The following PCDHGB6 variants were observed in gnomAD, a reference collection of about 807,000 sequenced individuals.
The protein encoded by PCDHGB6 is protocadherin gamma-B6.
In PCDHGB6, 51 loss-of-function variants were observed where a neutral mutation model predicts 59.1. The observed-to-expected ratio is 0.86, with a 90% CI of 0.69 to 1.09. PCDHGB6 has a LOEUF of 1.09. PCDHGB6 is among the 50% of genes least tolerant of loss of function. The pLI, the probability that PCDHGB6 is intolerant of heterozygous loss-of-function variation, is 0.00. For missense variants in PCDHGB6, 1,148 were observed against 1,205.1 expected (o/e 0.95, Z 0.70); for synonymous variants, 466 against 495.1 (o/e 0.94, Z 0.78).
intron 1 of PCDHGB6, among the ~76,000 whole-genome samples, chr5:141,452,745 GGAA>G (rs2098748194): frequency 6.6e-6 from 1 of 152,054 alleles, no homozygotes; most frequent in Non-Finnish European, 1.5e-5. Flanking sequence ...AGAGAGAGAA[GGAA>G]GAAGGAAGGG....
intron 1 of PCDHGB6, chr5:141,415,974 CAA>C (rs1192315813): frequency 2.7e-6 from 1 of 375,644 alleles, no homozygotes; most frequent in Non-Finnish European, 4.4e-6. Context: ...GCCCCTTAAG[CAA>C]CCCTCTTGTT....
intron 1 of PCDHGB6, chr5:141,419,231 C>G (rs1309708358): frequency 2.5e-6 from 4 of 1,614,026 alleles, no homozygotes; most frequent in Admixed American, 1.7e-5. Context: ...GTCAGCCTAC[C>G]TGGTCCACGT....
intron 1 of PCDHGB6, chr5:141,418,998 G>C (rs757681244): frequency 1.9e-6 from 3 of 1,613,940 alleles, no homozygotes; most frequent in South Asian, 1.1e-5. Context: ...GGGGAAAATG[G>C]GGAAGTCAGG....
At position 141,479,006 on chromosome 5, in the gene PCDHGB6, T is replaced by C. The variant is rs148063283; in HGVS notation, c.2419-15801T>C. On this transcript the variant is annotated intron_variant, in intron 1 of 3. Transcript: ENST00000520790. ...ACATTTGTATTAAAACTAATAGCTT[T>C]TTGATAATTTTCCTTTGTTTATACA... Among the ~76,000 whole-genome samples the C allele has an allele frequency of 1.2e-3, 179 of 152,340 alleles. 2 individuals are homozygous for C. The highest frequency in any genetic ancestry group is 0.011 in the Admixed American group (170 of 15,300).
intron 1 of PCDHGB6, chr5:141,419,831 G>C: frequency 1.9e-6 from 3 of 1,614,048 alleles, no homozygotes; most frequent in Non-Finnish European, 2.5e-6. Context: ...TTCAGCCACT[G>C]CCACGCTGCA....
intron 2 of PCDHGB6, among the ~76,000 whole-genome samples, chr5:141,496,582 G>A (rs991035985): frequency 1.9e-4 from 29 of 152,100 alleles, no homozygotes; most frequent in Non-Finnish European, 3.5e-4. Flanking sequence ...TTTTAGGAAC[G>A]CAAAGCGCTT....
intron 1 of PCDHGB6, among the ~76,000 whole-genome samples, chr5:141,451,067 A>G (rs948528671): frequency 6.6e-6 from 1 of 151,848 alleles, no homozygotes; most frequent in African/African-American, 2.4e-5. Flanking sequence ...TGACCTTGTG[A>G]TCCACCCACC....
chr5:141,511,084 C>G lies in PCDHGB6; in HGVS notation c.2704C>G (p.Leu902Val). 1 of 1,614,236 alleles carries G rather than the reference C, an allele frequency of 6.2e-7. No homozygotes were observed. Among genetic ancestry groups the G allele is most frequent in the Non-Finnish European group, 8.5e-7 (1 of 1,180,030 alleles). The change falls in exon 4 of 4, where the codon CTG becomes GTG. Residue 902 changes from leucine (L) to valine (V), a missense_variant. Leu to Val is a conservative substitution (Grantham distance 32). Around this residue, in one of 5 missense-constraint regions of PCDHGB6, gnomAD observed 283 missense variants for 318.6 expected, o/e 0.89. Coordinates refer to ENST00000520790, the MANE Select transcript of PCDHGB6 (RefSeq NM_018926.3). Reference sequence around the variant, plus strand: ...CTACATCCCAGGCAGCAATGCCACACTGACCAACGCAGCTGGCAAGCGGGA... The same window carrying G: ...CTACATCCCAGGCAGCAATGCCACAGTGACCAACGCAGCTGGCAAGCGGGA... ...NVYIPGSNAT[L>V]TNAAGKRDGK...
At chr5:141,426,004 C>T (rs573455573) in intron 1 of PCDHGB6, among the ~76,000 whole-genome samples, 10 of 152,264 alleles carry the variant, frequency 6.6e-5, no homozygotes, top group Non-Finnish European at 8.8e-5. Flanking sequence ...CAAAGGCTTC[C>T]GGCTGCAGTT....
intron 2 of PCDHGB6, among the ~76,000 whole-genome samples, chr5:141,502,124 A>G (rs4912762): frequency 0.55 from 83,213 of 152,012 alleles, 23,486 homozygotes; most frequent in African/African-American, 0.67. Flanking sequence ...CCAGGCCCAC[A>G]GAGCTCAGTC....
chr5:141,418,006 C>T, intron 1 of PCDHGB6: 7 of 1,613,896 alleles, frequency 4.3e-6, no homozygotes, highest in Non-Finnish European at 5.9e-6. Flanking sequence ...TGGTGGGGAA[C>T]CTCGCTAAGG....
rs759674499 is a variant in PCDHGB6, at chr5:141,410,341, G to A, written c.2139G>A (p.Leu713=). The change falls in exon 1 of 4, where the codon TTG becomes TTA. Residue 713 remains leucine, a synonymous_variant. Transcript: ENST00000520790. The part of the protein sequence containing the change: ...FLLAVILAIA[L]RLRRSLSPAT... ...TCGCCGTGATTCTGGCCATTGCCTT[G>A]CGCCTGCGACGCTCTCTCAGCCCTG... is the stretch of plus-strand genomic sequence containing the variant. 6.2e-7 allele frequency: 1 copy of A among 1,613,992 alleles called. No homozygotes were observed. Among genetic ancestry groups the A allele is most frequent in the Non-Finnish European group, 8.5e-7 (1 of 1,179,888 alleles).
chr5:141,463,438 CTTTTTTTTTTTTTTT>C (rs71576115), intron 1 of PCDHGB6, among the ~76,000 whole-genome samples: 7 of 103,256 alleles, frequency 6.8e-5, no homozygotes, highest in African/African-American at 3.1e-4. Flanking sequence ...TTTCCTTCTC[CTTTTTTTTTTTTTTT>C]TTTTTTTTTT....
At chr5:141,462,415 C>G (rs998182982) in intron 1 of PCDHGB6, among the ~76,000 whole-genome samples, 2 of 152,092 alleles carry the variant, frequency 1.3e-5, no homozygotes, top group Non-Finnish European at 2.9e-5. Context: ...AGAATATGGT[C>G]TATCTTGGTG....
At position 141,431,248 on chromosome 5, in the gene PCDHGB6, G is replaced by T. The variant is rs1213088915; in HGVS notation, c.2418+20628G>T. ...CCCACGCCTGGGATCCGGATATCGG[G>T]AAGAACTCTCTGCAGAGCTACGAGC... On this transcript the variant is annotated intron_variant, in intron 1 of 3. Coordinates refer to ENST00000520790, the MANE Select transcript of PCDHGB6 (RefSeq NM_018926.3). The surrounding 1 kb of genome is among the most constrained non-coding windows in gnomAD (Gnocchi z 4.8). 6.2e-7 allele frequency: 1 copy of T among 1,614,022 alleles called. No individual in the cohort carries two copies. The highest frequency in any genetic ancestry group is 8.5e-7 in the Non-Finnish European group (1 of 1,180,056).
chr5:141,408,214 C>CT lies in PCDHGB6; in HGVS notation c.13dup (p.Cys5LeufsTer27), dbSNP rs1471079476. On this transcript the variant is annotated frameshift_variant, in exon 1 of 4. Coordinates refer to ENST00000520790, the MANE Select transcript of PCDHGB6 (RefSeq NM_018926.3). LOFTEE classifies it high-confidence loss of function. The stretch of plus-strand genomic sequence containing the variant: ...AACCCGAGCGAACGATGGGAGGGAG[C>CT]TGCGCGCAGAGGCGCCGGGCCGGCC... The CT allele has an allele frequency of 6.4e-7, 1 of 1,555,074 alleles. No individual in the cohort carries two copies.
At chr5:141,441,790 A>G in intron 1 of PCDHGB6, 1 of 391,228 alleles carries the variant, frequency 2.6e-6, no homozygotes, top group South Asian at 2.0e-5. Context: ...CTGAATGACA[A>G]CGCACCGCGG....
chr5:141,433,328 G>C, intron 1 of PCDHGB6: 1 of 724,580 alleles, frequency 1.4e-6, no homozygotes, highest in Non-Finnish European at 2.3e-6. Context: ...GGTGTAACAG[G>C]GACTACAGGT....
In PCDHGB6 at chr5:141,486,959, G is replaced by A. The variant is rs1161675143; in HGVS notation, c.2419-7848G>A. The A allele has an allele frequency of 1.9e-6, 3 of 1,614,098 alleles. No individual in the cohort carries two copies. In the African/African-American group the frequency reaches 4.0e-5, roughly 22 times the overall value. On this transcript the variant is annotated intron_variant, in intron 1 of 3. Transcript: ENST00000520790. The surrounding 1 kb of genome is among the most constrained non-coding windows in gnomAD (Gnocchi z 5.0). ...CCACCTAATCACAAAGGTGACTGCTGTGGACTTGGATTCAGGTTACAATGC... is the reference window on the plus strand; with the variant it reads ...CCACCTAATCACAAAGGTGACTGCTATGGACTTGGATTCAGGTTACAATGC...
Sources: allele counts gnomAD v4.1 joint callset (sites outside exome capture counted in the v4.1 genomes callset), GRCh38; gene constraint gnomAD v4.1.1; regional missense constraint gnomAD v4.1.1; non-coding constraint Gnocchi (gnomAD v3.1); transcripts MANE v1.5; gene names NCBI Gene and HGNC (gene_info 2026-07-23, HGNC 2026-07-21).